Variants in GRID1 observed in about 807,000 individuals in gnomAD.
GRID1 encodes the protein glutamate ionotropic receptor delta type subunit 1, also known as glutamate receptor ionotropic, delta-1.
In GRID1, 28 loss-of-function variants were observed where a neutral mutation model predicts 98.0. The ratio of observed to expected loss-of-function variants is 0.29; its 90% CI spans 0.21 to 0.39. The LOEUF is 0.39. Ranked by LOEUF, GRID1 falls within the 10% of genes least tolerant of loss-of-function variation. GRID1 has a pLI of 1.00. For missense variants in GRID1, 1,111 were observed against 1,340.5 expected, an observed-to-expected ratio of 0.83 and a Z score of 2.67; for synonymous variants, 553 against 538.5, an observed-to-expected ratio of 1.03 and a Z score of -0.37.
At chr10:86,316,881 T>G (rs572520947) in intron 2 of GRID1, among the ~76,000 whole-genome samples, 11 of 152,344 alleles carry the variant, frequency 7.2e-5, no homozygotes, top group African/African-American at 2.6e-4. Flanking sequence ...TACAAGCTAG[T>G]GCTTCTCACC....
At chr10:85,879,337 C>A (rs1025364384) in intron 5 of GRID1, among the ~76,000 whole-genome samples, 1 of 152,126 alleles carries the variant, frequency 6.6e-6, no homozygotes, top group Non-Finnish European at 1.5e-5. Flanking sequence ...AGCACCACAC[C>A]ACACCTATTC....
At chr10:86,210,432 A>G (rs1846091810) in intron 2 of GRID1, among the ~76,000 whole-genome samples, 1 of 152,222 alleles carries the variant, frequency 6.6e-6, no homozygotes, top group Non-Finnish European at 1.5e-5. Flanking sequence ...CAGCAGAGCT[A>G]CGAGAGCACT....
At chr10:86,132,280 C>A (rs553405429) in intron 4 of GRID1, among the ~76,000 whole-genome samples, 35 of 152,346 alleles carry the variant, frequency 2.3e-4, no homozygotes, top group Non-Finnish European at 3.8e-4. Context: ...CAGATCCTAA[C>A]AGGACAGCTC....
chr10:85,932,101 G>A (rs1449012581), intron 4 of GRID1, among the ~76,000 whole-genome samples: 1 of 152,144 alleles, frequency 6.6e-6, no homozygotes. Context: ...TGGGTGCTGA[G>A]GCTCTCAGAG....
intron 12 of GRID1, among the ~76,000 whole-genome samples, chr10:85,672,376 T>C (rs951188944): frequency 1.3e-5 from 2 of 152,180 alleles, no homozygotes; most frequent in African/African-American, 4.8e-5. Flanking sequence ...GGTGCAATCT[T>C]GGCTCACTGC....
At chr10:85,900,661 T>C (rs1458330549) in intron 5 of GRID1, among the ~76,000 whole-genome samples, 3 of 152,166 alleles carry the variant, frequency 2.0e-5, no homozygotes, top group African/African-American at 7.2e-5. Flanking sequence ...CTGTAGAGGA[T>C]CTGGAGTGGC....
intron 4 of GRID1, among the ~76,000 whole-genome samples, chr10:86,037,867 T>A (rs1843289836): frequency 6.6e-6 from 1 of 152,154 alleles, no homozygotes; most frequent in Non-Finnish European, 1.5e-5. Flanking sequence ...ATGGGCTGAA[T>A]GTGTCCCCCC....
At chr10:86,331,191 C>T (rs1055144951) in intron 2 of GRID1, among the ~76,000 whole-genome samples, 5 of 152,230 alleles carry the variant, frequency 3.3e-5, no homozygotes, top group African/African-American at 4.8e-5. Flanking sequence ...CACCTTTCCC[C>T]CATCCCTCAC....
At chr10:86,200,192 G>T (rs1363942075) in intron 3 of GRID1, among the ~76,000 whole-genome samples, 1 of 151,872 alleles carries the variant, frequency 6.6e-6, no homozygotes, top group Non-Finnish European at 1.5e-5. Flanking sequence ...TCCTATTTAA[G>T]CACCTGTTTA....
intron 4 of GRID1, among the ~76,000 whole-genome samples, chr10:85,947,442 A>G (rs1842067503): frequency 6.6e-6 from 1 of 152,200 alleles, no homozygotes; most frequent in Admixed American, 6.5e-5. Context: ...ATAATTTAAA[A>G]ATATGTATGT....
At chr10:86,349,832 C>A (rs370875266) in intron 2 of GRID1, among the ~76,000 whole-genome samples, 24 of 152,340 alleles carry the variant, frequency 1.6e-4, no homozygotes, top group African/African-American at 5.5e-4. Context: ...CAGCCACATA[C>A]CAGGCTTGGC....
intron 2 of GRID1, among the ~76,000 whole-genome samples, chr10:86,255,855 C>G (rs959182139): frequency 6.6e-6 from 1 of 152,138 alleles, no homozygotes; most frequent in Non-Finnish European, 1.5e-5. Flanking sequence ...GCTCCACACA[C>G]ACCACATCTC....
rs181067644 is a variant in GRID1 at position 85,934,118 on chromosome 10, T to C, written c.727-17879A>G. Among the ~76,000 whole-genome samples, 126 of 152,106 alleles carry C rather than the reference T, an allele frequency of 8.3e-4. 1 individual carries two copies. Among genetic ancestry groups the C allele is most frequent in the Non-Finnish European group, 1.4e-3 (95 of 67,984 alleles). On this transcript the variant is annotated intron_variant, in intron 4 of 15. Coordinates refer to ENST00000327946, the MANE Select transcript of GRID1 (RefSeq NM_017551.3). The stretch of plus-strand genomic sequence containing the variant: ...GTGGGGTTATGTAGGGAGGAACAGA[T>C]AGTGCATGCAGTCTGTGGATGGGCA...
chr10:86,329,642 C>G (rs1028034544), intron 2 of GRID1, among the ~76,000 whole-genome samples: 9 of 152,178 alleles, frequency 5.9e-5, no homozygotes, highest in Non-Finnish European at 1.2e-4. Flanking sequence ...CTGACTGACC[C>G]CTGACCCCCA....
At chr10:85,671,370 CT>C (rs1205800136) in intron 12 of GRID1, among the ~76,000 whole-genome samples, 2 of 152,106 alleles carry the variant, frequency 1.3e-5, no homozygotes, top group African/African-American at 2.4e-5. Context: ...ATATTTCAAA[CT>C]TTTAAAATTA....
intron 2 of GRID1, among the ~76,000 whole-genome samples, chr10:86,344,858 G>A (rs980611454): frequency 1.3e-5 from 2 of 152,282 alleles, no homozygotes; most frequent in African/African-American, 2.4e-5. Flanking sequence ...GGCACCAGGC[G>A]GGAACTGCCC....
At chr10:85,924,288 G>T (rs1459444670) in intron 4 of GRID1, among the ~76,000 whole-genome samples, 2 of 152,156 alleles carry the variant, frequency 1.3e-5, no homozygotes, top group Admixed American at 6.5e-5. Context: ...CACTTTGCAC[G>T]AACTTCATTA....
rs538021237 is a variant in GRID1, at chr10:86,352,675, G to T, written c.235+11266C>A. On this transcript the variant is annotated intron_variant, in intron 2 of 15. Coordinates refer to ENST00000327946, the MANE Select transcript of GRID1 (RefSeq NM_017551.3). Reference sequence around the variant, plus strand: ...CCTGCCTGCAATGCCATCACATTGGGGGTTAAGGGCTTTGACATCATATTA... The same window carrying T: ...CCTGCCTGCAATGCCATCACATTGGTGGTTAAGGGCTTTGACATCATATTA... 2.6e-5 allele frequency among the ~76,000 whole-genome samples: 4 copies of T among 152,252 alleles called. No individual in the cohort carries two copies. In the East Asian group the frequency reaches 7.7e-4, roughly 29 times the overall value.
intron 3 of GRID1, among the ~76,000 whole-genome samples, chr10:86,196,770 A>G (rs1845878834): frequency 6.6e-6 from 1 of 152,134 alleles, no homozygotes; most frequent in Non-Finnish European, 1.5e-5. Context: ...GAAGGTATAG[A>G]CAGAAACACA....
Sources: allele counts gnomAD v4.1 joint callset (sites outside exome capture counted in the v4.1 genomes callset), GRCh38; gene constraint gnomAD v4.1.1; transcripts MANE v1.5; gene names NCBI Gene and HGNC (gene_info 2026-07-23, HGNC 2026-07-21).